Variants in SUMF1 observed in about 807,000 individuals in gnomAD.
SUMF1 encodes sulfatase modifying factor 1.
In SUMF1, 48 loss-of-function variants were observed where a neutral mutation model predicts 47.6. That is an observed-to-expected ratio of 1.01 (90% CI 0.80 to 1.28). The LOEUF (loss-of-function observed/expected upper bound fraction) is 1.28. Among genes scored for constraint, SUMF1 ranks in the 50% most tolerant of loss-of-function variants. The pLI, the probability that SUMF1 is intolerant of heterozygous loss-of-function variation, is 0.00. For missense variants in SUMF1, 571 were observed against 485.4 expected (o/e 1.18, Z -1.66); for synonymous variants, 230 against 192.1 (o/e 1.20, Z -1.63).
At chr3:4,206,105 T>C (rs986850357) in intron 8 of SUMF1, among the ~76,000 whole-genome samples, 1 of 151,716 alleles carries the variant, frequency 6.6e-6, no homozygotes, top group Admixed American at 6.6e-5. Flanking sequence ...GCTTGGTGCT[T>C]TATTTAATAT....
intron 8 of SUMF1, among the ~76,000 whole-genome samples, chr3:4,254,475 C>A (rs1348920352): frequency 1.3e-5 from 2 of 150,386 alleles, no homozygotes; most frequent in Non-Finnish European, 3.0e-5. Flanking sequence ...ATGCAGAAGC[C>A]TCAGGAGCCG....
At chr3:4,221,502 A>C (rs1366590897) in intron 8 of SUMF1, among the ~76,000 whole-genome samples, 2 of 151,978 alleles carry the variant, frequency 1.3e-5, no homozygotes, top group Non-Finnish European at 2.9e-5. Context: ...GCAAAGATCC[A>C]TAACCTGATG....
intron 8 of SUMF1, among the ~76,000 whole-genome samples, chr3:4,253,481 G>C (rs1056870438): frequency 2.6e-5 from 4 of 152,068 alleles, no homozygotes; most frequent in East Asian, 1.9e-4. Context: ...TTCCCTTTCC[G>C]AGTAAAAGAA....
chr3:4,364,312 C>A (rs1699874244), intron 8 of SUMF1, among the ~76,000 whole-genome samples: 1 of 99,026 alleles, frequency 1.0e-5, no homozygotes, highest in East Asian at 4.1e-4. Context: ...CCAGTTCCTC[C>A]TTGTACCTGT....
intron 8 of SUMF1, among the ~76,000 whole-genome samples, chr3:4,188,789 G>A (rs1574963380): frequency 1.3e-5 from 2 of 152,266 alleles, no homozygotes; most frequent in South Asian, 4.1e-4. Flanking sequence ...AGAATTAAGT[G>A]AGCTCATCCA....
chr3:4,425,307 A>G (rs1702033474), intron 3 of SUMF1, among the ~76,000 whole-genome samples: 1 of 152,134 alleles, frequency 6.6e-6, no homozygotes, highest in Non-Finnish European at 1.5e-5. Context: ...AATACTATCT[A>G]CTTCCTGGGG....
At chr3:4,087,946 A>C (rs1214928598) in intron 8 of SUMF1, among the ~76,000 whole-genome samples, 1 of 152,128 alleles carries the variant, frequency 6.6e-6, no homozygotes, top group Non-Finnish European at 1.5e-5. Flanking sequence ...TTGAAGAGAA[A>C]TTAATGATTG....
chr3:4,375,144 A>T (rs1246994648), intron 8 of SUMF1, among the ~76,000 whole-genome samples: 1 of 151,388 alleles, frequency 6.6e-6, no homozygotes, highest in Non-Finnish European at 1.5e-5. Flanking sequence ...CAAAAAAAAA[A>T]AAAAAAAAAA....
At chr3:4,437,961 AT>A (rs1459144126) in intron 3 of SUMF1, among the ~76,000 whole-genome samples, 1 of 152,064 alleles carries the variant, frequency 6.6e-6, no homozygotes, top group Non-Finnish European at 1.5e-5. Context: ...AAATAAAAAA[AT>A]AAAATGAAAG....
chr3:4,089,950 G>A lies in SUMF1; in HGVS notation c.1015-21205C>T, dbSNP rs79381684. Among the ~76,000 whole-genome samples, 168 of 152,062 alleles carry A rather than the reference G, an allele frequency of 1.1e-3. 6 individuals are homozygous for A. The highest frequency in any genetic ancestry group is 3.9e-3 in the African/African-American group (160 of 41,442). ...TGGAACCATGTTCCATTCTTTCAGG[G>A]CACTTATTTCAGCGGTAGTTACACA... is the stretch of plus-strand genomic sequence containing the variant. On this transcript the variant is annotated intron_variant and NMD_transcript_variant, in intron 8 of 12. Transcript: ENST00000448413.
At chr3:4,041,231 C>T (rs1382377561) in intron 9 of SUMF1, among the ~76,000 whole-genome samples, 1 of 152,062 alleles carries the variant, frequency 6.6e-6, no homozygotes, top group African/African-American at 2.4e-5. Flanking sequence ...ACCACCATGC[C>T]CAGGTAATTT....
At chr3:4,332,016 A>G (rs111732339) in intron 8 of SUMF1, among the ~76,000 whole-genome samples, 1,699 of 152,300 alleles carry the variant, frequency 0.011, 23 homozygotes, top group African/African-American at 0.037. Context: ...ATAATTTTTA[A>G]ATTGTCTTAA....
At position 4,417,249 on chromosome 3, in the gene SUMF1, G is replaced by C; in HGVS notation, c.726-7C>G. On this transcript the variant is annotated splice_polypyrimidine_tract_variant and splice_region_variant and intron_variant, in intron 5 of 8. Transcript: ENST00000272902. ...GTTGCCCCAGGGGAAAAGTCTGTCA[G>C]AAGAGACACAGGCATCAGCCTGTCA... 1 of 1,613,358 alleles carries C rather than the reference G, an allele frequency of 6.2e-7. No homozygotes were observed. The highest frequency in any genetic ancestry group is 1.3e-5 in the African/African-American group (1 of 75,056).
At chr3:4,324,761 A>G (rs79604458) in intron 8 of SUMF1, among the ~76,000 whole-genome samples, 1,836 of 152,260 alleles carry the variant, frequency 0.012, 21 homozygotes, top group African/African-American at 0.037. Context: ...TACAGTATTG[A>G]TCGATTACCA....
At chr3:4,137,730 T>C (rs1319353895) in intron 8 of SUMF1, among the ~76,000 whole-genome samples, 3 of 152,108 alleles carry the variant, frequency 2.0e-5, no homozygotes, top group Admixed American at 6.6e-5. Context: ...ACTGAAGCTT[T>C]TCCTTTCACA....
rs115510454 is a variant in SUMF1, at chr3:4,450,523, C to T, written c.445-1183G>A. Among the ~76,000 whole-genome samples, 924 of 152,202 alleles carry T rather than the reference C, an allele frequency of 6.1e-3. 7 individuals carry two copies. The highest frequency in any genetic ancestry group is 0.021 in the African/African-American group (888 of 41,522). On this transcript the variant is annotated intron_variant, in intron 2 of 8. Coordinates refer to ENST00000272902, the MANE Select transcript of SUMF1 (RefSeq NM_182760.4). Reference sequence around the variant, plus strand: ...TAACTACCTAAGCCATTTAGTTATTCAACAAACATGTATCAAACACCTACC... The same window carrying T: ...TAACTACCTAAGCCATTTAGTTATTTAACAAACATGTATCAAACACCTACC...
intron 9 of SUMF1, among the ~76,000 whole-genome samples, chr3:4,039,735 G>C (rs1694876032): frequency 6.6e-6 from 1 of 152,050 alleles, no homozygotes; most frequent in Admixed American, 6.6e-5. Context: ...ATAATGTTTT[G>C]TATGGTCAGG....
At chr3:4,446,579 CATT>C in intron 3 of SUMF1, among the ~76,000 whole-genome samples, 1 of 152,292 alleles carries the variant, frequency 6.6e-6, no homozygotes, top group East Asian at 1.9e-4. Flanking sequence ...CAGCCGCTAA[CATT>C]ATAAAAAGAA....
At chr3:4,283,172 T>C (rs1195776153) in intron 8 of SUMF1, among the ~76,000 whole-genome samples, 2 of 152,182 alleles carry the variant, frequency 1.3e-5, no homozygotes, top group East Asian at 3.9e-4. Flanking sequence ...AGTTTGTTCC[T>C]TTTCGTTCCA....
Sources: allele counts gnomAD v4.1 joint callset (sites outside exome capture counted in the v4.1 genomes callset), GRCh38; gene constraint gnomAD v4.1.1; transcripts MANE v1.5; gene names NCBI Gene and HGNC (gene_info 2026-07-23, HGNC 2026-07-21).